The following SGCG variants were observed in gnomAD, a reference collection of about 807,000 sequenced individuals.
SGCG encodes the protein sarcoglycan gamma.
SGCG carries 26 observed loss-of-function variants against 29.3 expected under a neutral mutation model. That is an observed-to-expected ratio of 0.89 (90% CI 0.65 to 1.23). The LOEUF (loss-of-function observed/expected upper bound fraction) is 1.23, where lower values mean the gene tolerates loss of function less well. SGCG is among the 50% of genes most tolerant of loss of function. The pLI, the probability that SGCG is intolerant of heterozygous loss-of-function variation, is 0.00. For missense variants in SGCG, 353 were observed against 356.0 expected (o/e 0.99, Z 0.07); for synonymous variants, 145 against 129.7 (o/e 1.12, Z -0.80).
intron 5 of SGCG, among the ~76,000 whole-genome samples, chr13:23,292,119 C>CTTTT (rs71100167): frequency 2.0e-5 from 3 of 147,464 alleles, no homozygotes; most frequent in Non-Finnish European, 4.5e-5. Context: ...ACATTTCTTT[C>CTTTT]TTTTTTTTGA....
chr13:23,191,947 G>A (rs1877276419), intron 1 of SGCG, among the ~76,000 whole-genome samples: 1 of 152,000 alleles, frequency 6.6e-6, no homozygotes, highest in Admixed American at 6.6e-5. Context: ...GCACTTAGGT[G>A]GGCGGATCAC....
At chr13:23,178,271 A>C (rs896191766), upstream of SGCG, among the ~76,000 whole-genome samples, 1 of 152,134 alleles carries the variant, frequency 6.6e-6, no homozygotes, top group Admixed American at 6.5e-5. Context: ...GCAAGGAGGG[A>C]AGGCAAGCAG....
intron 3 of SGCG, among the ~76,000 whole-genome samples, chr13:23,238,543 T>G (rs1879393413): frequency 6.6e-6 from 1 of 151,870 alleles, no homozygotes; most frequent in Admixed American, 6.6e-5. Context: ...CAGAAGGGCA[T>G]GGCTCAGAAG....
intron 4 of SGCG, among the ~76,000 whole-genome samples, chr13:23,275,145 A>ATATATAT (rs1462954999): frequency 6.7e-6 from 1 of 148,502 alleles, no homozygotes. Context: ...ATATATATAG[A>ATATATAT]AATGAGGACG....
chr13:23,216,275 G>A (rs1878424541), intron 2 of SGCG, among the ~76,000 whole-genome samples: 1 of 151,980 alleles, frequency 6.6e-6, no homozygotes, highest in South Asian at 2.1e-4. Context: ...GAATTCAGGG[G>A]CCAATAGAAC....
At chr13:23,217,091 T>C (rs512230) in intron 2 of SGCG, among the ~76,000 whole-genome samples, 114,277 of 152,028 alleles carry the variant, frequency 0.75, 43,358 homozygotes, top group African/African-American at 0.85. Context: ...CTTTACAATG[T>C]CTCCTTTTCC....
At chr13:23,260,122 C>G (rs573237006) in intron 4 of SGCG, among the ~76,000 whole-genome samples, 490 of 152,270 alleles carry the variant, frequency 3.2e-3, no homozygotes, top group Middle Eastern at 0.01. Context: ...TCTCATTGAT[C>G]TGTCTAATAT....
intron 1 of SGCG, among the ~76,000 whole-genome samples, chr13:23,184,592 G>A (rs188740835): frequency 6.6e-6 from 1 of 152,150 alleles, no homozygotes; most frequent in African/African-American, 2.4e-5. Context: ...CAGGATAAAT[G>A]GTACTGCAAT....
upstream of SGCG, among the ~76,000 whole-genome samples, chr13:23,177,326 A>G (rs1876589357): frequency 6.6e-6 from 1 of 152,098 alleles, no homozygotes; most frequent in Non-Finnish European, 1.5e-5. Context: ...ACACAAAGGT[A>G]TTGTGTATCT....
At chr13:23,260,872 C>A (rs1254220499) in intron 4 of SGCG, among the ~76,000 whole-genome samples, 2 of 152,092 alleles carry the variant, frequency 1.3e-5, no homozygotes, top group African/African-American at 4.8e-5. Context: ...CCCCCACACT[C>A]TTCTGGCTTG....
chr13:23,315,187 G>A (rs1882760748), intron 6 of SGCG, among the ~76,000 whole-genome samples: 1 of 152,198 alleles, frequency 6.6e-6, no homozygotes, highest in Non-Finnish European at 1.5e-5. Context: ...CCTTTTGAGA[G>A]ACAACTCTTG....
intron 1 of SGCG, among the ~76,000 whole-genome samples, chr13:23,200,784 G>A (rs9510622): frequency 0.36 from 54,709 of 151,838 alleles, 9,894 homozygotes; most frequent in Middle Eastern, 0.39. Flanking sequence ...GAGAGTTGAG[G>A]GGAGCCATGC....
At position 23,205,337 on chromosome 13, in the gene SGCG, A is replaced by C. The variant is rs557502213; in HGVS notation, c.195+1448A>C. 3.9e-5 allele frequency among the ~76,000 whole-genome samples: 6 copies of C among 152,266 alleles called. No individual in the cohort carries two copies. In the South Asian group the frequency reaches 1.2e-3, roughly 32 times the overall value. On this transcript the variant is annotated intron_variant, in intron 2 of 7. Transcript: ENST00000218867. ...AGAGTGAAGCAGTGTTAAAGTCCTCAAATTATAAACTATGGGATTTGCCAG... is the reference window on the plus strand; with the variant it reads ...AGAGTGAAGCAGTGTTAAAGTCCTCCAATTATAAACTATGGGATTTGCCAG...
At chr13:23,307,967 T>C (rs533080) in intron 6 of SGCG, among the ~76,000 whole-genome samples, 150,378 of 152,310 alleles carry the variant, frequency 0.99, 74,271 homozygotes, top group Middle Eastern at 1. Flanking sequence ...AACCCACATA[T>C]GGGTCTCTAT....
In SGCG at chr13:23,203,749, G is replaced by C; in HGVS notation, c.55G>C (p.Glu19Gln). 1 of 1,614,106 alleles carries C rather than the reference G, an allele frequency of 6.2e-7. No individual in the cohort carries two copies. Among genetic ancestry groups the C allele is most frequent in the Non-Finnish European group, 8.5e-7 (1 of 1,179,958 alleles). The change falls in exon 2 of 8, where the codon GAG becomes CAG. Residue 19 changes from glutamate to glutamine, a missense_variant. Coordinates refer to ENST00000218867, the MANE Select transcript of SGCG (RefSeq NM_000231.3). ...ATEGICIERP[E>Q]NQYVYKIGIY... ...AGAAGGCATCTGCATAGAGAGGCCA[G>C]AGAATCAGTATGTCTACAAAATTGG...
At chr13:23,181,244 A>C (rs1195296993) in intron 1 of SGCG, among the ~76,000 whole-genome samples, 169 bp downstream of exon 1, 1 of 152,224 alleles carries the variant, frequency 6.6e-6, no homozygotes, top group Non-Finnish European at 1.5e-5. Context: ...TCAAGTATCA[A>C]TGAAATTCTC....
chr13:23,272,874 A>G (rs1880921384), intron 4 of SGCG, among the ~76,000 whole-genome samples: 1 of 152,160 alleles, frequency 6.6e-6, no homozygotes, highest in African/African-American at 2.4e-5. Context: ...CTGTTTCATC[A>G]TGGTTTTCAA....
chr13:23,277,652 C>T (rs894099193), intron 4 of SGCG, among the ~76,000 whole-genome samples: 1 of 149,616 alleles, frequency 6.7e-6, no homozygotes, highest in South Asian at 2.1e-4. Context: ...TCAGAGGGGA[C>T]ACACACAAAA....
intron 6 of SGCG, among the ~76,000 whole-genome samples, chr13:23,299,714 A>C (rs974589511): frequency 3.3e-5 from 5 of 151,852 alleles, no homozygotes; most frequent in Non-Finnish European, 7.4e-5. Context: ...GGCCTCCCAA[A>C]GTGCTGGGAT....
Sources: allele counts gnomAD v4.1 joint callset (sites outside exome capture counted in the v4.1 genomes callset), GRCh38; gene constraint gnomAD v4.1.1; transcripts MANE v1.5; gene names NCBI Gene and HGNC (gene_info 2026-07-23, HGNC 2026-07-21).